HSD17B11: variants seen among roughly 807,000 people sequenced by gnomAD.
HSD17B11 encodes hydroxysteroid 17-beta dehydrogenase 11.
Under a neutral mutation model 27.8 loss-of-function variants are expected in HSD17B11, and 22 were observed. The ratio of observed to expected loss-of-function variants is 0.79; its 90% CI spans 0.56 to 1.13. The LOEUF (loss-of-function observed/expected upper bound fraction) is 1.13. HSD17B11 is among the 50% of genes most tolerant of loss of function. The pLI, the probability that HSD17B11 is intolerant of heterozygous loss-of-function variation, is 0.00. For missense variants in HSD17B11, 314 were observed against 351.1 expected, an observed-to-expected ratio of 0.89 and a Z score of 0.84; for synonymous variants, 117 against 132.8, an observed-to-expected ratio of 0.88 and a Z score of 0.82.
chr4:87,386,641 A>G (rs1264930841), intron 1 of HSD17B11, among the ~76,000 whole-genome samples: 3 of 152,222 alleles, frequency 2.0e-5, no homozygotes, highest in Admixed American at 6.5e-5. Flanking sequence ...GCAGCACAGT[A>G]CAATTGCTCA....
chr4:87,374,772 G>A lies in HSD17B11; in HGVS notation c.377C>T (p.Thr126Ile), dbSNP rs1735786307. Residue 126 changes from threonine (T) to isoleucine (I), a missense_variant, in exon 3 of 7, where the codon ACA becomes ATA. Coordinates refer to ENST00000358290, the MANE Select transcript of HSD17B11 (RefSeq NM_016245.5). Reference sequence around the variant, plus strand: ...ATCTTGTGTAGCAAACAAATCTGATGTATAGACTACACCAGCATTATTTAC... The same window carrying A: ...ATCTTGTGTAGCAAACAAATCTGATATATAGACTACACCAGCATTATTTAC... ...ILVNNAGVVY[T>I]SDLFATQDPQ... is the part of the protein sequence containing the mutation. 1.9e-6 allele frequency: 3 copies of A among 1,602,514 alleles called. No homozygotes were observed. The highest frequency in any genetic ancestry group is 1.1e-5 in the South Asian group (1 of 89,144).
intron 6 of HSD17B11, among the ~76,000 whole-genome samples, 173 bp from the exon 7 acceptor site, chr4:87,337,539 C>T (rs941668292): frequency 1.3e-5 from 2 of 152,030 alleles, no homozygotes; most frequent in Admixed American, 6.6e-5. Context: ...AATCTATTTC[C>T]TTTTCAAATG....
chr4:87,372,447 T>C (rs1331059748), intron 4 of HSD17B11, among the ~76,000 whole-genome samples: 2 of 152,156 alleles, frequency 1.3e-5, no homozygotes, highest in African/African-American at 4.8e-5. Context: ...AGAAATGTTT[T>C]AAAAGTGGTT....
intron 1 of HSD17B11, among the ~76,000 whole-genome samples, chr4:87,382,878 C>G (rs914473785): frequency 6.6e-6 from 1 of 152,102 alleles, no homozygotes; most frequent in African/African-American, 2.4e-5. Flanking sequence ...GTCCCGACCC[C>G]AAGAAGTTCT....
At chr4:87,357,948 AATTTTTTTTTT>A (rs1334160228) in intron 4 of HSD17B11, among the ~76,000 whole-genome samples, 2 of 97,392 alleles carry the variant, frequency 2.1e-5, no homozygotes, top group South Asian at 3.1e-4. Flanking sequence ...TCATTAGAGA[AATTTTTTTTTT>A]TTTTTTTTTT....
At chr4:87,354,651 T>TAAAAAA (rs1261900953) in intron 5 of HSD17B11, among the ~76,000 whole-genome samples, 1 of 138,872 alleles carries the variant, frequency 7.2e-6, no homozygotes, top group African/African-American at 3.0e-5. Context: ...TCAAAAAAAA[T>TAAAAAA]AAAAAAAATA....
intron 2 of HSD17B11, among the ~76,000 whole-genome samples, chr4:87,380,596 C>T (rs1245610646): frequency 6.6e-6 from 1 of 151,636 alleles, no homozygotes; most frequent in Admixed American, 6.6e-5. Flanking sequence ...CGGTGGCTCA[C>T]GCCTGTAATC....
At chr4:87,384,013 T>C (rs1720239826) in intron 1 of HSD17B11, among the ~76,000 whole-genome samples, 1 of 152,054 alleles carries the variant, frequency 6.6e-6, no homozygotes, top group Non-Finnish European at 1.5e-5. Flanking sequence ...TGGCAACTAA[T>C]GTTGGAAAGG....
chr4:87,370,339 G>A (rs1015032128), intron 4 of HSD17B11, among the ~76,000 whole-genome samples: 1 of 152,162 alleles, frequency 6.6e-6, no homozygotes, highest in Non-Finnish European at 1.5e-5. Flanking sequence ...ACACTTGCAG[G>A]ATTTCAGATT....
chr4:87,383,260 CA>C (rs144839865), intron 1 of HSD17B11, among the ~76,000 whole-genome samples: 1 of 151,906 alleles, frequency 6.6e-6, no homozygotes, highest in Non-Finnish European at 1.5e-5. Flanking sequence ...TAAGATTTAT[CA>C]AAAAATGAAT....
At chr4:87,341,416 C>A (rs1221716899) in intron 5 of HSD17B11, among the ~76,000 whole-genome samples, 5 of 152,214 alleles carry the variant, frequency 3.3e-5, no homozygotes, top group Non-Finnish European at 1.5e-5. Context: ...AAGTGATCCG[C>A]CAGCCTCGGC....
intron 4 of HSD17B11, among the ~76,000 whole-genome samples, chr4:87,364,019 T>C (rs965445453): frequency 4.6e-5 from 7 of 152,238 alleles, no homozygotes; most frequent in Non-Finnish European, 1.0e-4. Flanking sequence ...TGGTGAAAAG[T>C]CAGCTTAATT....
chr4:87,346,950 TA>T (rs1411884616), intron 5 of HSD17B11, among the ~76,000 whole-genome samples: 1 of 151,712 alleles, frequency 6.6e-6, no homozygotes, highest in East Asian at 1.9e-4. Context: ...TAACTGAGCT[TA>T]AAAAAATAAT....
chr4:87,391,094 G>C lies in HSD17B11; in HGVS notation c.-24C>G. On this transcript the variant is annotated 5_prime_UTR_variant, in exon 1 of 7. Coordinates refer to ENST00000358290, the MANE Select transcript of HSD17B11 (RefSeq NM_016245.5). Reference sequence around the variant, plus strand: ...ATCCCTTTTGTGGCTGCGAGCGTTTGGTGTGTTTTTTTTTTTTTTTACCAC... The same window carrying C: ...ATCCCTTTTGTGGCTGCGAGCGTTTCGTGTGTTTTTTTTTTTTTTTACCAC... The C allele has an allele frequency of 2.0e-6, 3 of 1,526,500 alleles. No individual in the cohort carries two copies. The highest frequency in any genetic ancestry group is 1.2e-5 in the South Asian group (1 of 82,466). The allele number at this position is 1,526,500 out of a possible 1,614,324, so 94.6% of individuals were successfully genotyped here. A position where few individuals can be genotyped will look rare whatever the true frequency, so the allele number is the denominator to read the frequency against.
chr4:87,366,814 A>T (rs1365567613), intron 4 of HSD17B11, among the ~76,000 whole-genome samples: 1 of 152,222 alleles, frequency 6.6e-6, no homozygotes, highest in African/African-American at 2.4e-5. Flanking sequence ...TAGAAATTGT[A>T]ACATTAAAAT....
intron 1 of HSD17B11, among the ~76,000 whole-genome samples, chr4:87,389,350 G>A (rs1015885185): frequency 2.0e-5 from 3 of 152,110 alleles, no homozygotes; most frequent in Non-Finnish European, 4.4e-5. Flanking sequence ...AGCCTCATGA[G>A]TAGCTGGGAT....
intron 1 of HSD17B11, among the ~76,000 whole-genome samples, chr4:87,384,495 G>T (rs113040352): frequency 3.7e-4 from 56 of 152,276 alleles, no homozygotes; most frequent in African/African-American, 1.3e-3. Context: ...ATAAACGGAT[G>T]TGCAAGTAGG....
chr4:87,337,370 A>C lies in HSD17B11; in HGVS notation c.813-4T>G. ...CAGGAAACGCTCAGGAAGGATCCTA[A>C]AAGAAAGATATATGCAAATAATTAG... is the stretch of plus-strand genomic sequence containing the variant. On this transcript the variant is annotated splice_polypyrimidine_tract_variant and splice_region_variant and intron_variant, in intron 6 of 6. Coordinates refer to ENST00000358290, the MANE Select transcript of HSD17B11 (RefSeq NM_016245.5). 6.7e-7 allele frequency: 1 copy of C among 1,490,416 alleles called. No individual in the cohort carries two copies. The highest frequency in any genetic ancestry group is 9.3e-7 in the Non-Finnish European group (1 of 1,072,798). The allele number at this position is 1,490,416 out of a possible 1,614,324, so 92.3% of individuals were successfully genotyped here.
intron 2 of HSD17B11, among the ~76,000 whole-genome samples, chr4:87,378,755 C>T: frequency 7.5e-6 from 1 of 134,140 alleles, no homozygotes. Flanking sequence ...TTAGCTCTCT[C>T]AAATAAGAGA....
Sources: allele counts gnomAD v4.1 joint callset (sites outside exome capture counted in the v4.1 genomes callset), GRCh38; gene constraint gnomAD v4.1.1; transcripts MANE v1.5; gene names NCBI Gene and HGNC (gene_info 2026-07-23, HGNC 2026-07-21).